The following DDX60L variants were observed in gnomAD, a reference collection of about 807,000 sequenced individuals.
The protein encoded by DDX60L is probable ATP-dependent RNA helicase DDX60-like.
DDX60L carries 191 observed loss-of-function variants against 211.6 expected under a neutral mutation model. The observed-to-expected ratio is 0.90, with a 90% CI of 0.80 to 1.02. The LOEUF is 1.02. Among genes scored for constraint, DDX60L ranks in the 50% least tolerant of loss-of-function variants. DDX60L has a pLI of 0.00. For synonymous variants in DDX60L, 706 were observed against 694.1 expected (o/e 1.02, Z -0.27); for missense variants, 2,007 against 1,984.1 (o/e 1.01, Z -0.22).
Position 168,420,293 on chromosome 4 carries a change from T to C in DDX60L, c.2482A>G (p.Arg828Gly), listed in dbSNP as rs1255710766. 6.2e-7 allele frequency: 1 copy of C among 1,605,854 alleles called. No individual in the cohort carries two copies. ...AGRTLCGAFT[R>G]DYCHNVLNCQ... ...TTTAGTACATTGTGACAATAATCTC[T>C]TGTAAAAGCACCGCATAGAGTTCTG... Residue 828 changes from arginine (R) to glycine (G), a missense_variant, in exon 18 of 38, where the codon AGA becomes GGA. Transcript: ENST00000682922.
intron 26 of DDX60L, among the ~76,000 whole-genome samples, chr4:168,399,900 G>A (rs1453973629): frequency 6.6e-6 from 1 of 152,140 alleles, no homozygotes; most frequent in South Asian, 2.1e-4. Flanking sequence ...GTGCAGATTT[G>A]TTATATAGGT....
intron 37 of DDX60L, among the ~76,000 whole-genome samples, chr4:168,358,814 G>A (rs764081988): frequency 8.5e-5 from 13 of 152,058 alleles, no homozygotes; most frequent in African/African-American, 2.9e-4. Context: ...CACCGTGTCC[G>A]GCCACAGTTC....
At chr4:168,453,362 A>C in intron 7 of DDX60L, 80 bp from the exon 8 acceptor site, 84 of 1,411,964 alleles carry the variant, frequency 5.9e-5, no homozygotes, top group Middle Eastern at 1.8e-4. Flanking sequence ...CACGAAGATC[A>C]TATCTTCAAA....
intron 4 of DDX60L, among the ~76,000 whole-genome samples, chr4:168,462,775 T>C (rs1757488250): frequency 6.6e-6 from 1 of 151,856 alleles, no homozygotes; most frequent in African/African-American, 2.4e-5. Flanking sequence ...ATCATGCCAC[T>C]GCACGCCAGC....
At chr4:168,455,763 C>A (rs1024664427) in intron 7 of DDX60L, among the ~76,000 whole-genome samples, 5 of 152,088 alleles carry the variant, frequency 3.3e-5, no homozygotes, top group Non-Finnish European at 7.4e-5. Context: ...AAGTGAAACA[C>A]CAGATAAAAC....
chr4:168,396,560 T>G (rs575253455), intron 26 of DDX60L, among the ~76,000 whole-genome samples: 1 of 151,978 alleles, frequency 6.6e-6, no homozygotes, highest in East Asian at 1.9e-4. Flanking sequence ...AATTTAAATA[T>G]CCATGCTGAC....
chr4:168,456,271 C>T, intron 6 of DDX60L, 119 bp from the exon 7 acceptor site: 1 of 473,622 alleles, frequency 2.1e-6, no homozygotes, highest in Non-Finnish European at 3.5e-6. Context: ...CTAAACGGAA[C>T]TTCAAATGTT....
chr4:168,371,001 A>G (rs1740905271), intron 36 of DDX60L, among the ~76,000 whole-genome samples: 1 of 152,052 alleles, frequency 6.6e-6, no homozygotes, highest in Non-Finnish European at 1.5e-5. Context: ...AACTTTCTCA[A>G]AATGTAACTT....
rs559104998 is a variant in DDX60L, at chr4:168,421,733, C to CA, written c.2394+26dup. 437 of 1,611,302 alleles carry CA rather than the reference C, an allele frequency of 2.7e-4. 13 individuals are homozygous for CA. In the Admixed American group the frequency reaches 7.1e-3, roughly 26 times the overall value. ...TAAAGGGGATGTTCAGGAACAAAAG[C>CA]AAAAATGAAAGTCATTCAAACACTA... On this transcript the variant is annotated intron_variant, in intron 17 of 37. Coordinates refer to ENST00000682922, the MANE Select transcript of DDX60L (RefSeq NM_001012967.3).
intron 29 of DDX60L, among the ~76,000 whole-genome samples, chr4:168,387,536 T>C (rs1299965833): frequency 6.6e-6 from 1 of 152,226 alleles, no homozygotes; most frequent in Non-Finnish European, 1.5e-5. Flanking sequence ...TTCTCCAATC[T>C]GCAGATTGTT....
Position 168,421,798 on chromosome 4 carries a change from T to A in DDX60L, c.2356A>T (p.Ser786Cys), listed in dbSNP as rs768031408. Reference protein sequence around the residue: ...YYCMEKVLRESDVGVVVYVAP... With the variant: ...YYCMEKVLRECDVGVVVYVAP... ...ACGTACACAACCACCCCGACATCGC[T>A]CTCCCTCAGCACTTTCTCCATGCAG... is the stretch of plus-strand genomic sequence containing the variant. Residue 786 changes from serine to cysteine, a missense_variant, in exon 17 of 38, where the codon AGC becomes TGC. Ser to Cys is a moderately radical substitution (Grantham distance 112). Coordinates refer to ENST00000682922, the MANE Select transcript of DDX60L (RefSeq NM_001012967.3). 6.2e-7 allele frequency: 1 copy of A among 1,614,116 alleles called. No individual in the cohort carries two copies. Among genetic ancestry groups the A allele is most frequent in the South Asian group, 1.1e-5 (1 of 91,080 alleles).
At chr4:168,390,597 A>G in intron 29 of DDX60L, 1 of 919,022 alleles carries the variant, frequency 1.1e-6, no homozygotes, top group South Asian at 2.1e-5. Flanking sequence ...ATATTTTATA[A>G]TTTATCTTTT....
intron 36 of DDX60L, among the ~76,000 whole-genome samples, chr4:168,366,022 T>C (rs888554274): frequency 6.6e-6 from 1 of 152,186 alleles, no homozygotes; most frequent in Admixed American, 6.5e-5. Flanking sequence ...GATATGTACG[T>C]CAACACAATA....
At chr4:168,479,996 A>G (rs1171065476) in intron 1 of DDX60L, among the ~76,000 whole-genome samples, 2 of 131,396 alleles carry the variant, frequency 1.5e-5, no homozygotes, top group Admixed American at 1.5e-4. Context: ...AAAAAAAAAA[A>G]AAAAAAGCTT....
In DDX60L at chr4:168,421,845, C is replaced by T. The variant is rs531034489; in HGVS notation, c.2309G>A (p.Gly770Asp). 1.9e-5 allele frequency: 31 copies of T among 1,614,182 alleles called. No homozygotes were observed. In the South Asian group the frequency reaches 3.1e-4, roughly 16 times the overall value. Residue 770 changes from glycine (G) to aspartate (D), a missense_variant, in exon 17 of 38, where the codon GGC becomes GAC. Physicochemically the swap from Gly to Asp is moderately conservative, Grantham distance 94 (BLOSUM62 -1). Coordinates refer to ENST00000682922, the MANE Select transcript of DDX60L (RefSeq NM_001012967.3). ...SAVIVAPTSS[G>D]KTYASYYCME... ...GCAGTAGTAGGAAGCATAGGTTTTGCCTGAGGACGTTGGGGCAACAATCAC... is the reference window on the plus strand; with the variant it reads ...GCAGTAGTAGGAAGCATAGGTTTTGTCTGAGGACGTTGGGGCAACAATCAC...
intron 10 of DDX60L, among the ~76,000 whole-genome samples, chr4:168,438,725 C>T (rs927483966): frequency 2.6e-5 from 4 of 152,110 alleles, no homozygotes; most frequent in Non-Finnish European, 1.5e-5. Flanking sequence ...AGAACCATGA[C>T]CAGCTTAGGT....
At chr4:168,373,997 T>C (rs548122451) in intron 34 of DDX60L, among the ~76,000 whole-genome samples, 189 bp from the exon 35 acceptor site, 54 of 152,290 alleles carry the variant, frequency 3.5e-4, no homozygotes, top group African/African-American at 1.2e-3. Flanking sequence ...ATGTTGACTA[T>C]TAACTTATTA....
chr4:168,472,318 G>A (rs1057310141), intron 3 of DDX60L, 137 bp downstream of exon 3: 5 of 660,318 alleles, frequency 7.6e-6, no homozygotes, highest in Non-Finnish European at 1.3e-5. Flanking sequence ...AGGAAGAAGA[G>A]TGCGTTCCCA....
chr4:168,451,906 A>G (rs1352227956), intron 8 of DDX60L, among the ~76,000 whole-genome samples: 11 of 152,100 alleles, frequency 7.2e-5, no homozygotes, highest in African/African-American at 2.4e-4. Flanking sequence ...ACTACTACTC[A>G]TCCTTCAGAC....
Sources: allele counts gnomAD v4.1 joint callset (sites outside exome capture counted in the v4.1 genomes callset), GRCh38; gene constraint gnomAD v4.1.1; transcripts MANE v1.5; gene names NCBI Gene and HGNC (gene_info 2026-07-23, HGNC 2026-07-21).